The following GALNT13 variants were observed in gnomAD, a reference collection of about 807,000 sequenced individuals.
The protein encoded by GALNT13 is UDP-GalNAc:polypeptide N-acetylgalactosaminyltransferase 13.
GALNT13 carries 28 observed loss-of-function variants against 64.2 expected under a neutral mutation model. The ratio of observed to expected loss-of-function variants is 0.44; its 90% CI spans 0.32 to 0.60. The LOEUF is 0.60. Among genes scored for constraint, GALNT13 ranks in the 20% least tolerant of loss-of-function variants. The probability of loss-of-function intolerance (pLI) is 0.05; values close to 1 mark genes in which losing one functional copy is unlikely to be tolerated. For missense variants in GALNT13, 577 were observed against 669.8 expected, an observed-to-expected ratio of 0.86 and a Z score of 1.53; for synonymous variants, 214 against 224.6, an observed-to-expected ratio of 0.95 and a Z score of 0.42.
chr2:153,764,907 C>T, the GALNT13 span, among the ~76,000 whole-genome samples: 1 of 152,218 alleles, frequency 6.6e-6, no homozygotes, highest in Non-Finnish European at 1.5e-5. Flanking sequence ...TCAGAGGGTG[C>T]AGGTGCAAGA....
At chr2:153,726,451 C>T in the GALNT13 span, among the ~76,000 whole-genome samples, 1 of 152,032 alleles carries the variant, frequency 6.6e-6, no homozygotes, top group Non-Finnish European at 1.5e-5. Flanking sequence ...TTGTGAGGCA[C>T]ATTTTAATAA....
the GALNT13 span, among the ~76,000 whole-genome samples, chr2:153,798,751 T>C: frequency 1.3e-5 from 2 of 152,172 alleles, no homozygotes; most frequent in Non-Finnish European, 2.9e-5. Flanking sequence ...AATTTTCAAA[T>C]TGAACTCTTA....
chr2:153,552,314 G>T, the GALNT13 span, among the ~76,000 whole-genome samples: 1 of 152,296 alleles, frequency 6.6e-6, no homozygotes, highest in Admixed American at 6.5e-5. Flanking sequence ...GAAGGGAAAA[G>T]TGGTTTTAAA....
chr2:153,575,835 C>T, the GALNT13 span, among the ~76,000 whole-genome samples: 4 of 152,246 alleles, frequency 2.6e-5, no homozygotes, highest in South Asian at 8.3e-4. Context: ...CTGCTTGGTG[C>T]TCTACTTTCC....
At chr2:153,336,338 C>G in the GALNT13 span, among the ~76,000 whole-genome samples, 1 of 152,090 alleles carries the variant, frequency 6.6e-6, no homozygotes, top group East Asian at 1.9e-4. Context: ...CAATGTTAGC[C>G]CATGAAAGCA....
At chr2:154,439,826 A>G (rs1004295078) in intron 12 of GALNT13, among the ~76,000 whole-genome samples, 3 of 152,126 alleles carry the variant, frequency 2.0e-5, no homozygotes, top group African/African-American at 7.2e-5. Context: ...GGATCTTAGG[A>G]CACAAAATCA....
chr2:153,862,417 A>G, the GALNT13 span, among the ~76,000 whole-genome samples: 18 of 152,158 alleles, frequency 1.2e-4, no homozygotes, highest in African/African-American at 4.3e-4. Context: ...GTGAAGGGTG[A>G]ATTCTCATGT....
intron 4 of GALNT13, among the ~76,000 whole-genome samples, chr2:154,199,388 A>G (rs1687051235): frequency 6.6e-6 from 1 of 152,052 alleles, no homozygotes; most frequent in Admixed American, 6.6e-5. Flanking sequence ...AATATAATTC[A>G]ATCTTGATGT....
At chr2:153,630,025 T>C in the GALNT13 span, among the ~76,000 whole-genome samples, 3 of 143,018 alleles carry the variant, frequency 2.1e-5, no homozygotes, top group African/African-American at 5.4e-5. Flanking sequence ...TGTGGAGAAA[T>C]AGGAACACTT....
At chr2:153,851,007 T>G in the GALNT13 span, among the ~76,000 whole-genome samples, 3 of 152,100 alleles carry the variant, frequency 2.0e-5, no homozygotes, top group Non-Finnish European at 4.4e-5. Context: ...AAGAAAATGT[T>G]GAAGAAATAA....
chr2:153,301,320 A>AAAAAAAAAAAAAG, the GALNT13 span, among the ~76,000 whole-genome samples: 2,177 of 125,794 alleles, frequency 0.017, 88 homozygotes, highest in African/African-American at 0.054. Context: ...AAAAAAAAAG[A>AAAAAAAAAAAAAG]AAAAAAAAAA....
chr2:153,310,427 C>T, the GALNT13 span, among the ~76,000 whole-genome samples: 1 of 152,042 alleles, frequency 6.6e-6, no homozygotes, highest in African/African-American at 2.4e-5. Context: ...GCAGACTTTT[C>T]CCCATATTTT....
intron 11 of GALNT13, chr2:154,436,795 G>A (rs1279704606): frequency 3.3e-5 from 5 of 152,134 alleles, no homozygotes; most frequent in African/African-American, 4.8e-5. Context: ...AATATATGAA[G>A]TCTGTGTTAT....
At chr2:153,415,403 G>T in the GALNT13 span, among the ~76,000 whole-genome samples, 2 of 152,150 alleles carry the variant, frequency 1.3e-5, no homozygotes, top group African/African-American at 4.8e-5. Context: ...ATAACTCCTT[G>T]TGTTGCAGCA....
chr2:153,630,636 C>T, the GALNT13 span, among the ~76,000 whole-genome samples: 28 of 140,366 alleles, frequency 2.0e-4, no homozygotes, highest in Admixed American at 2.2e-4. Flanking sequence ...TACCCTAAAA[C>T]TTAAAGTATA....
chr2:153,711,466 C>T, the GALNT13 span, among the ~76,000 whole-genome samples: 13 of 152,162 alleles, frequency 8.5e-5, no homozygotes, highest in East Asian at 2.3e-3. Flanking sequence ...GTAATCCATG[C>T]GGCCATGCCT....
the GALNT13 span, among the ~76,000 whole-genome samples, chr2:153,111,376 T>C: frequency 6.6e-6 from 1 of 152,082 alleles, no homozygotes; most frequent in Admixed American, 6.6e-5. Flanking sequence ...AATCTCTTGA[T>C]TGGAGATTCC....
At chr2:154,011,969 A>G (rs1471636031) in intron 3 of GALNT13, among the ~76,000 whole-genome samples, 4 of 152,164 alleles carry the variant, frequency 2.6e-5, no homozygotes, top group Admixed American at 2.6e-4. Flanking sequence ...CCTGTGAGAT[A>G]GGTCTCTTTA....
chr2:153,328,774 C>T, the GALNT13 span, among the ~76,000 whole-genome samples: 1 of 152,088 alleles, frequency 6.6e-6, no homozygotes, highest in African/African-American at 2.4e-5. Context: ...AGCAAGACCA[C>T]TCGGCTCCCT....
Sources: allele counts gnomAD v4.1 joint callset (sites outside exome capture counted in the v4.1 genomes callset), GRCh38; gene constraint gnomAD v4.1.1; transcripts MANE v1.5; gene names NCBI Gene and HGNC (gene_info 2026-07-23, HGNC 2026-07-21).